Variants in COL23A1 observed in about 807,000 individuals in gnomAD.
COL23A1 encodes the protein collagen type XXIII alpha 1 chain.
A neutral mutation model predicts 99.3 loss-of-function variants in COL23A1; 97 were observed. That is an observed-to-expected ratio of 0.98 (90% CI 0.83 to 1.16). The LOEUF (loss-of-function observed/expected upper bound fraction) is 1.16. Ranked by LOEUF, COL23A1 falls within the 50% of genes most tolerant of loss-of-function variation. The pLI, the probability that COL23A1 is intolerant of heterozygous loss-of-function variation, is 0.00. For synonymous variants in COL23A1, 320 were observed against 308.2 expected (o/e 1.04, Z -0.40); for missense variants, 762 against 757.4 (o/e 1.01, Z -0.07).
chr5:178,523,223 G>GAGAGAGAGAGAC (rs1562051944), intron 2 of COL23A1, among the ~76,000 whole-genome samples: 4 of 115,106 alleles, frequency 3.5e-5, no homozygotes, highest in Admixed American at 3.4e-4. Context: ...GAGAGAGAGA[G>GAGAGAGAGAGAC]AGACAGAGGG....
rs530296693 is a variant in COL23A1 at position 178,272,216 on chromosome 5, C to A, written c.442-1853G>T. Among the ~76,000 whole-genome samples, 92 of 152,322 alleles carry A rather than the reference C, an allele frequency of 6.0e-4. No homozygotes were observed. In the Middle Eastern group the frequency reaches 0.01, roughly 17 times the overall value. ...CAGCCTCCTGCTCTGGGAAGACTTT[C>A]CTGGCCTCTGGTTCTGGACACAGCT... On this transcript the variant is annotated intron_variant, in intron 5 of 28. Coordinates refer to ENST00000390654, the MANE Select transcript of COL23A1 (RefSeq NM_173465.4).
At chr5:178,394,078 C>A (rs1000884074) in intron 2 of COL23A1, among the ~76,000 whole-genome samples, 5 of 152,182 alleles carry the variant, frequency 3.3e-5, no homozygotes, top group African/African-American at 1.2e-4. Context: ...ACTATCAAAC[C>A]TGGAGCGAAA....
At chr5:178,302,984 G>C (rs1758153227) in intron 3 of COL23A1, among the ~76,000 whole-genome samples, 2 of 152,168 alleles carry the variant, frequency 1.3e-5, no homozygotes, top group Non-Finnish European at 2.9e-5. Flanking sequence ...CAAGTACTGT[G>C]GTTGTGACAC....
At chr5:178,411,067 C>A (rs923092698) in intron 2 of COL23A1, among the ~76,000 whole-genome samples, 2 of 152,100 alleles carry the variant, frequency 1.3e-5, no homozygotes, top group African/African-American at 4.8e-5. Context: ...AATCATGCAA[C>A]ACACAAATCT....
intron 5 of COL23A1, among the ~76,000 whole-genome samples, chr5:178,273,180 T>C (rs1359900147): frequency 2.0e-5 from 3 of 152,192 alleles, no homozygotes; most frequent in African/African-American, 7.2e-5. Context: ...GCTCTGCCTT[T>C]CTAGAAGTGC....
At chr5:178,465,721 C>T (rs529009354) in intron 2 of COL23A1, among the ~76,000 whole-genome samples, 2 of 152,324 alleles carry the variant, frequency 1.3e-5, no homozygotes, top group African/African-American at 2.4e-5. Context: ...CGCGGGGTGG[C>T]GGTCACGTCC....
At chr5:178,489,816 A>T (rs967020200) in intron 2 of COL23A1, among the ~76,000 whole-genome samples, 1 of 152,204 alleles carries the variant, frequency 6.6e-6, no homozygotes, top group African/African-American at 2.4e-5. Context: ...GTATTTGCAT[A>T]CTCATGTTCC....
chr5:178,561,818 G>T, intron 1 of COL23A1: 1 of 225,896 alleles, frequency 4.4e-6, no homozygotes, highest in South Asian at 6.4e-5. Context: ...TTTAGAGGAG[G>T]AGAGAATTTG....
rs544940163 is a variant in COL23A1, at chr5:178,551,342, C to T, written c.361+9340G>A. ...CAAGATCTTTATTTATAGGACATGA[C>T]ACATTTTATAATTGATAGACTCAGG... On this transcript the variant is annotated intron_variant, in intron 2 of 28. Coordinates refer to ENST00000390654, the MANE Select transcript of COL23A1 (RefSeq NM_173465.4). Among the ~76,000 whole-genome samples the T allele has an allele frequency of 4.9e-4, 74 of 151,988 alleles. 1 individual carries two copies. The highest frequency in any genetic ancestry group is 6.8e-3 in the Middle Eastern group (2 of 294).
chr5:178,258,236 A>AATATATATATAT lies in COL23A1; in HGVS notation c.730-681_730-670dup, dbSNP rs70994992. 8.1e-4 allele frequency among the ~76,000 whole-genome samples: 58 copies of AATATATATATAT among 71,918 alleles called. 1 individual carries two copies. The highest frequency in any genetic ancestry group is 1.6e-3 in the African/African-American group (32 of 19,868). The allele number at this position is 71,918 out of a possible 152,430, so 47.2% of individuals were successfully genotyped here. ...GTGACAGAGTGAGATCCTGTCTTAA[A>AATATATATATAT]ATATATATATATATATATATATATA... On this transcript the variant is annotated intron_variant, in intron 12 of 28. Transcript: ENST00000390654.
intron 2 of COL23A1, among the ~76,000 whole-genome samples, chr5:178,425,422 AAAATAAATAAATAAATAAATAAAT>A (rs141540849): frequency 4.2e-5 from 6 of 142,908 alleles, no homozygotes; most frequent in African/African-American, 1.0e-4. Flanking sequence ...ACTCCATCTC[AAAATAAATAAATAAATAAATAAAT>A]AAATAAATAA....
chr5:178,523,197 T>TAGAGAGAGAG (rs1416631747), intron 2 of COL23A1, among the ~76,000 whole-genome samples: 5 of 73,740 alleles, frequency 6.8e-5, no homozygotes, highest in African/African-American at 9.1e-5. Context: ...TATATATATA[T>TAGAGAGAGAG]ATATAGAGAG....
intron 3 of COL23A1, among the ~76,000 whole-genome samples, chr5:178,293,882 G>A (rs949357488): frequency 6.6e-6 from 1 of 152,054 alleles, no homozygotes; most frequent in African/African-American, 2.4e-5. Flanking sequence ...GTTGTCAGAG[G>A]AGGCCAAGTC....
At position 178,246,315 on chromosome 5, in the gene COL23A1, G is replaced by T. The variant is rs1432174289; in HGVS notation, c.1360-8C>A. The T allele has an allele frequency of 5.1e-6, 8 of 1,556,888 alleles. No homozygotes were observed. The South Asian group carries it at 8.3e-5, about 16-fold the overall frequency. ...CGGTGGGCCAACTGGCCCCTGGATAGAAAAGGAATGAGTCAAGAGGCATGC... is the reference window on the plus strand; with the variant it reads ...CGGTGGGCCAACTGGCCCCTGGATATAAAAGGAATGAGTCAAGAGGCATGC... On this transcript the variant is annotated splice_region_variant and splice_polypyrimidine_tract_variant and intron_variant, in intron 23 of 28. Transcript: ENST00000390654.
chr5:178,344,205 G>A (rs1760832743), intron 2 of COL23A1, among the ~76,000 whole-genome samples: 1 of 152,216 alleles, frequency 6.6e-6, no homozygotes, highest in Non-Finnish European at 1.5e-5. Context: ...GTCCCTTACA[G>A]AAGATAATGT....
chr5:178,303,624 C>T (rs1162947980), intron 3 of COL23A1, among the ~76,000 whole-genome samples: 2 of 152,226 alleles, frequency 1.3e-5, no homozygotes, highest in African/African-American at 2.4e-5. Context: ...CTAGCAGCTG[C>T]GGAGACCCGG....
At position 178,310,145 on chromosome 5, in the gene COL23A1, G is replaced by A. The variant is rs1019081046; in HGVS notation, c.362-3226C>T. Among the ~76,000 whole-genome samples the A allele has an allele frequency of 5.3e-5, 8 of 152,368 alleles. No individual in the cohort carries two copies. The East Asian group carries it at 5.8e-4, about 11-fold the overall frequency. ...TTTCCCGGACTGCGAGAAGACAGGCGGTGAGGCCCTGGGAGAGGGCGAGTG... is the reference window on the plus strand; with the variant it reads ...TTTCCCGGACTGCGAGAAGACAGGCAGTGAGGCCCTGGGAGAGGGCGAGTG... On this transcript the variant is annotated intron_variant, in intron 2 of 28. Coordinates refer to ENST00000390654, the MANE Select transcript of COL23A1 (RefSeq NM_173465.4). This position sits in a 1 kb window ranked among gnomAD's most constrained non-coding sequence, Gnocchi z 4.3.
intron 2 of COL23A1, among the ~76,000 whole-genome samples, chr5:178,394,866 A>AAACG (rs1213525570): frequency 1.3e-5 from 2 of 152,154 alleles, no homozygotes; most frequent in African/African-American, 4.8e-5. Context: ...TCTCAGCTCC[A>AAACG]AACGTCCAGG....
rs75702457 is a variant in COL23A1, at chr5:178,270,466, G to A, written c.442-103C>T. On this transcript the variant is annotated intron_variant, in intron 5 of 28. Transcript: ENST00000390654. ...ATTCAGTGACAAGAAAACAAAGCCT[G>A]TGGGAGCCCCGCGTCTGGGTTCAGT... 5,993 of 1,409,562 alleles carry A rather than the reference G, an allele frequency of 4.3e-3. 214 individuals are homozygous for A. In the African/African-American group the frequency reaches 0.073, roughly 17 times the overall value. The allele number at this position is 1,409,562 out of a possible 1,614,324, so 87.3% of individuals were successfully genotyped here.
Sources: gnomAD v4.1 joint callset for allele counts (sites outside exome capture counted in the v4.1 genomes callset) on GRCh38, gnomAD v4.1.1 for gene constraint, Gnocchi (gnomAD v3.1) non-coding constraint, MANE v1.5 for transcripts, NCBI Gene and HGNC (gene_info 2026-07-23, HGNC 2026-07-21) for gene names.